PKHD1: variants seen among roughly 807,000 people sequenced by gnomAD.
The protein encoded by PKHD1 is PKHD1 ciliary IPT domain containing fibrocystin/polyductin, also known as fibrocystin.
PKHD1 carries 291 observed loss-of-function variants against 412.0 expected under a neutral mutation model. The ratio of observed to expected loss-of-function variants is 0.71; its 90% CI spans 0.64 to 0.78. The LOEUF (loss-of-function observed/expected upper bound fraction) is 0.78. Among genes scored for constraint, PKHD1 ranks in the 30% least tolerant of loss-of-function variants. The pLI is 0.00. For synonymous variants in PKHD1, 1,777 were observed against 1,821.5 expected (o/e 0.98, Z 0.62); for missense variants, 4,825 against 4,950.7 (o/e 0.97, Z 0.76).
At chr6:52,080,159 T>C (rs1811841126) in intron 4 of PKHD1, 151 bp from the exon 5 acceptor site, 1 of 663,106 alleles carries the variant, frequency 1.5e-6, no homozygotes, top group East Asian at 2.7e-5. Context: ...TTTGATCCAC[T>C]CATAATTATT....
chr6:51,725,440 T>C (rs1782455706), intron 60 of PKHD1, among the ~76,000 whole-genome samples: 1 of 152,212 alleles, frequency 6.6e-6, no homozygotes, highest in Admixed American at 6.5e-5. Flanking sequence ...TCAAAGGGAT[T>C]TCTCACCATG....
chr6:51,923,538 A>T (rs1785050087), intron 37 of PKHD1, among the ~76,000 whole-genome samples: 1 of 152,072 alleles, frequency 6.6e-6, no homozygotes, highest in Non-Finnish European at 1.5e-5. Context: ...AAACAATAAA[A>T]GTACCAAAAA....
At chr6:51,968,268 G>T (rs1362841545) in intron 35 of PKHD1, among the ~76,000 whole-genome samples, 7 of 152,146 alleles carry the variant, frequency 4.6e-5, no homozygotes, top group Non-Finnish European at 8.8e-5. Flanking sequence ...AACAAAAGTT[G>T]ATTACATTTA....
intron 60 of PKHD1, among the ~76,000 whole-genome samples, chr6:51,685,756 G>T (rs1777342181): frequency 6.6e-6 from 1 of 152,144 alleles, no homozygotes; most frequent in Non-Finnish European, 1.5e-5. Flanking sequence ...TCCTGTGGCA[G>T]TGGTTGCCAA....
chr6:51,903,832 C>CATATATATATATATATATATAT (rs66966800), intron 42 of PKHD1, 105 bp from the exon 43 acceptor site: 34 of 435,374 alleles, frequency 7.8e-5, no homozygotes, highest in African/African-American at 7.3e-4. Flanking sequence ...TAATGCATTT[C>CATATATATATATATATATATAT]ATATATATAT....
intron 53 of PKHD1, among the ~76,000 whole-genome samples, chr6:51,780,276 C>T (rs1161310378): frequency 6.6e-6 from 1 of 151,990 alleles, no homozygotes; most frequent in East Asian, 1.9e-4. Context: ...GTCTCAGCTA[C>T]TCAAGAGGCT....
chr6:51,886,375 C>A (rs1778219771), intron 44 of PKHD1, among the ~76,000 whole-genome samples: 2 of 152,126 alleles, frequency 1.3e-5, no homozygotes, highest in Non-Finnish European at 2.9e-5. Context: ...TATACAAAAG[C>A]CAAGACATAG....
chr6:51,785,154 G>A (rs1225058509), intron 53 of PKHD1, among the ~76,000 whole-genome samples: 1 of 152,158 alleles, frequency 6.6e-6, no homozygotes, highest in Non-Finnish European at 1.5e-5. Context: ...AAAGAGGGAG[G>A]TGGGAGGAGG....
intron 33 of PKHD1, among the ~76,000 whole-genome samples, chr6:52,020,553 C>T (rs1896968): frequency 0.46 from 69,443 of 151,990 alleles, 17,504 homozygotes; most frequent in Admixed American, 0.58. Flanking sequence ...AACAAGCTCC[C>T]GGGTGAGGCC....
At chr6:51,671,069 T>C (rs903606388) in intron 60 of PKHD1, among the ~76,000 whole-genome samples, 2 of 152,132 alleles carry the variant, frequency 1.3e-5, no homozygotes, top group African/African-American at 2.4e-5. Context: ...GCATTCTCTG[T>C]AGTTCCTGAA....
intron 37 of PKHD1, among the ~76,000 whole-genome samples, chr6:51,931,248 C>T (rs1247877849): frequency 6.6e-6 from 1 of 152,224 alleles, no homozygotes; most frequent in Admixed American, 6.5e-5. Context: ...AAAGGCTCTT[C>T]TGTGCGCCAA....
chr6:51,924,594 T>C (rs1785234087), intron 37 of PKHD1, among the ~76,000 whole-genome samples: 1 of 152,180 alleles, frequency 6.6e-6, no homozygotes. Context: ...GTTTAAAAGC[T>C]TACACAATAA....
chr6:51,785,322 C>T (rs939169559), intron 53 of PKHD1, among the ~76,000 whole-genome samples: 17 of 152,166 alleles, frequency 1.1e-4, no homozygotes, highest in African/African-American at 3.9e-4. Context: ...GATGCCATGA[C>T]TCAATATGGA....
intron 1 of PKHD1, among the ~76,000 whole-genome samples, chr6:52,086,263 A>G (rs1812771645): frequency 1.3e-5 from 2 of 151,462 alleles, no homozygotes; most frequent in Non-Finnish European, 2.9e-5. Context: ...GGTGTGCGCC[A>G]CCACACCCGG....
At position 51,840,821 on chromosome 6, in the gene PKHD1, C is replaced by G. The variant is rs143644863; in HGVS notation, c.8108-4352G>C. Reference sequence around the variant, plus strand: ...GTACTTTTTATCAATTATACCAAACCCTTACAGACCAAATCATATTCCCAA... The same window carrying G: ...GTACTTTTTATCAATTATACCAAACGCTTACAGACCAAATCATATTCCCAA... On this transcript the variant is annotated intron_variant, in intron 50 of 66. Coordinates refer to ENST00000371117, the MANE Select transcript of PKHD1 (RefSeq NM_138694.4). Among the ~76,000 whole-genome samples the G allele has an allele frequency of 4.3e-3, 649 of 152,214 alleles. 2 individuals carry two copies. Among genetic ancestry groups the G allele is most frequent in the Non-Finnish European group, 7.1e-3 (484 of 68,006 alleles).
At chr6:51,930,112 A>G (rs963388535) in intron 37 of PKHD1, among the ~76,000 whole-genome samples, 5 of 152,206 alleles carry the variant, frequency 3.3e-5, no homozygotes, top group African/African-American at 1.2e-4. Context: ...TTGAAAAGTG[A>G]CAAGTGATTG....
chr6:51,915,122 G>A (rs980923919), intron 37 of PKHD1, among the ~76,000 whole-genome samples: 6 of 151,922 alleles, frequency 3.9e-5, no homozygotes, highest in African/African-American at 7.3e-5. Context: ...GAAGATATGG[G>A]GTCAATCTCA....
At chr6:51,998,791 G>A (rs187106231) in intron 35 of PKHD1, among the ~76,000 whole-genome samples, 13 of 151,992 alleles carry the variant, frequency 8.6e-5, no homozygotes, top group Admixed American at 5.9e-4. Flanking sequence ...TTCTTCTGGT[G>A]TAGCTGAAAT....
intron 37 of PKHD1, among the ~76,000 whole-genome samples, chr6:51,926,627 C>T (rs1785671447): frequency 1.3e-5 from 2 of 152,130 alleles, no homozygotes; most frequent in African/African-American, 4.8e-5. Flanking sequence ...TTAAAAACAG[C>T]ATGTTCACTT....
Sources: allele counts gnomAD v4.1 joint callset (sites outside exome capture counted in the v4.1 genomes callset), GRCh38; gene constraint gnomAD v4.1.1; transcripts MANE v1.5; gene names NCBI Gene and HGNC (gene_info 2026-07-23, HGNC 2026-07-21).